The following ZEB1 variants were observed in gnomAD, a reference collection of about 807,000 sequenced individuals.
The protein encoded by ZEB1 is zinc finger E-box binding homeobox 1.
Under a neutral mutation model 84.9 loss-of-function variants are expected in ZEB1, and 21 were observed. The ratio of observed to expected loss-of-function variants is 0.25; its 90% CI spans 0.18 to 0.36. The LOEUF (loss-of-function observed/expected upper bound fraction) is 0.36. ZEB1 is among the 10% of genes least tolerant of loss of function. The probability of loss-of-function intolerance (pLI) is 1.00; values close to 1 mark genes in which losing one functional copy is unlikely to be tolerated. For synonymous variants in ZEB1, 420 were observed against 471.1 expected, an observed-to-expected ratio of 0.89 and a Z score of 1.41; for missense variants, 1,104 against 1,330.2, an observed-to-expected ratio of 0.83 and a Z score of 2.65.
At chr10:31,447,315 C>T (rs1288234970) in intron 1 of ZEB1, among the ~76,000 whole-genome samples, 10 of 140,326 alleles carry the variant, frequency 7.1e-5, no homozygotes, top group South Asian at 4.8e-4. Flanking sequence ...TGTCTCTGCA[C>T]GTGAGATGGG....
chr10:31,361,820 T>G (rs2043163967), intron 1 of ZEB1, among the ~76,000 whole-genome samples: 1 of 148,194 alleles, frequency 6.7e-6, no homozygotes, highest in African/African-American at 2.5e-5. Flanking sequence ...GCAGAGGCGC[T>G]CCTCATTTCC....
At position 31,527,088 on chromosome 10, in the gene ZEB1, G is replaced by T. The variant is rs1388185484; in HGVS notation, c.3202G>T (p.Glu1068Ter). The T allele has an allele frequency of 6.9e-6, 11 of 1,593,556 alleles. No homozygotes were observed. The highest frequency in any genetic ancestry group is 9.4e-6 in the Non-Finnish European group (11 of 1,168,108). The change falls in exon 9 of 9, where the codon GAG becomes TAG. Residue 1068 changes from glutamate to a stop codon, truncating the protein, a stop_gained. Transcript: ENST00000424869. LOFTEE classifies it low-confidence loss of function (END_TRUNC). ...EKPQGDEEEE[E>*]EEEEVEEEEV... ...ACCACAAGGGGATGAGGAAGAGGAG[G>T]AGGAGGAGGAAGAAGTGGAAGAAGA...
chr10:31,473,982 G>C (rs376734544), intron 2 of ZEB1, among the ~76,000 whole-genome samples: 2 of 152,178 alleles, frequency 1.3e-5, no homozygotes, highest in Non-Finnish European at 2.9e-5. Flanking sequence ...TTTAATAAAT[G>C]GTTCTGGGAA....
chr10:31,480,702 T>C (rs1444623938), intron 2 of ZEB1, among the ~76,000 whole-genome samples: 1 of 152,106 alleles, frequency 6.6e-6, no homozygotes, highest in Non-Finnish European at 1.5e-5. Flanking sequence ...CCCTGCAATG[T>C]TGAACCTTGG....
chr10:31,349,020 A>AT (rs962249614), intron 1 of ZEB1, among the ~76,000 whole-genome samples: 5 of 152,088 alleles, frequency 3.3e-5, no homozygotes, highest in African/African-American at 9.7e-5. Flanking sequence ...GATCTCTTGA[A>AT]TTTATTCCTC....
intron 1 of ZEB1, among the ~76,000 whole-genome samples, chr10:31,402,421 G>C (rs2052224629): frequency 6.6e-6 from 1 of 152,040 alleles, no homozygotes; most frequent in South Asian, 2.1e-4. Context: ...GTATGAGTGG[G>C]AGGAGAAGGT....
chr10:31,382,114 A>C (rs1011378495), intron 1 of ZEB1, among the ~76,000 whole-genome samples: 1 of 151,870 alleles, frequency 6.6e-6, no homozygotes, highest in Non-Finnish European at 1.5e-5. Flanking sequence ...GACTTACACA[A>C]ATCCCTGTGG....
intron 1 of ZEB1, among the ~76,000 whole-genome samples, chr10:31,366,084 T>C (rs10826944): frequency 0.25 from 37,691 of 152,046 alleles, 10,335 homozygotes; most frequent in African/African-American, 0.68. Flanking sequence ...TTTCCCGCTT[T>C]CAAGTCTTTG....
chr10:31,497,047 C>G (rs1417058365), intron 3 of ZEB1, among the ~76,000 whole-genome samples: 2 of 152,034 alleles, frequency 1.3e-5, no homozygotes, highest in East Asian at 3.9e-4. Flanking sequence ...GTGTAACTTG[C>G]ATGAATAATG....
At chr10:31,473,093 G>T (rs947087024) in intron 2 of ZEB1, among the ~76,000 whole-genome samples, 1 of 149,548 alleles carries the variant, frequency 6.7e-6, no homozygotes, top group Admixed American at 6.6e-5. Flanking sequence ...CAGACCCACA[G>T]CCAATATCAT....
chr10:31,448,750 TGAG>T (rs1354380665), intron 1 of ZEB1, among the ~76,000 whole-genome samples: 2 of 152,140 alleles, frequency 1.3e-5, no homozygotes, highest in African/African-American at 4.8e-5. Context: ...GGGACCCACT[TGAG>T]GAGGCAGTCT....
intron 1 of ZEB1, chr10:31,320,428 G>A (rs1416376583): frequency 6.6e-6 from 1 of 151,412 alleles, no homozygotes; most frequent in African/African-American, 2.4e-5. Flanking sequence ...CGGACGCACG[G>A]AGCGCTGAAG....
chr10:31,469,688 G>A (rs1000584452), intron 2 of ZEB1, among the ~76,000 whole-genome samples: 2 of 152,240 alleles, frequency 1.3e-5, no homozygotes, highest in Admixed American at 6.5e-5. Context: ...CAGCCCAGAA[G>A]CTGGAACTGG....
At chr10:31,489,745 T>G (rs1485267577) in intron 2 of ZEB1, among the ~76,000 whole-genome samples, 2 of 151,318 alleles carry the variant, frequency 1.3e-5, no homozygotes, top group African/African-American at 4.8e-5. Context: ...AAATCTTTCA[T>G]GTAAGTCTTG....
intron 1 of ZEB1, among the ~76,000 whole-genome samples, chr10:31,445,342 A>G (rs1208545931): frequency 6.7e-6 from 1 of 149,634 alleles, no homozygotes; most frequent in Non-Finnish European, 1.5e-5. Flanking sequence ...TTCTAGATAT[A>G]CAATCATGTT....
At chr10:31,432,581 A>G (rs1303506324) in intron 1 of ZEB1, among the ~76,000 whole-genome samples, 1 of 152,018 alleles carries the variant, frequency 6.6e-6, no homozygotes, top group Non-Finnish European at 1.5e-5. Flanking sequence ...AGAGCGCAAT[A>G]CCCTGTCTCA....
intron 1 of ZEB1, chr10:31,358,621 G>A (rs1012071601): frequency 6.6e-6 from 1 of 152,114 alleles, no homozygotes; most frequent in Non-Finnish European, 1.5e-5. Context: ...AGTAAATAGT[G>A]TCATCTTTAT....
intron 1 of ZEB1, among the ~76,000 whole-genome samples, chr10:31,340,450 G>T (rs946757817): frequency 1.3e-5 from 2 of 152,102 alleles, no homozygotes; most frequent in Non-Finnish European, 2.9e-5. Flanking sequence ...TTTAGTAGTA[G>T]CACTTAACAT....
intron 1 of ZEB1, among the ~76,000 whole-genome samples, chr10:31,426,501 C>T (rs1475293694): frequency 2.6e-5 from 4 of 152,126 alleles, no homozygotes; most frequent in Admixed American, 6.5e-5. Flanking sequence ...AATAATAGCA[C>T]ATTCTGATTA....
Sources: gnomAD v4.1 joint callset for allele counts (sites outside exome capture counted in the v4.1 genomes callset) on GRCh38, gnomAD v4.1.1 for gene constraint, MANE v1.5 for transcripts, NCBI Gene and HGNC (gene_info 2026-07-23, HGNC 2026-07-21) for gene names.